Variants in EPB41L4A observed in about 807,000 individuals in gnomAD.
EPB41L4A encodes the protein band 4.1-like protein 4A.
A neutral mutation model predicts 108.6 loss-of-function variants in EPB41L4A; 100 were observed. The observed-to-expected ratio is 0.92, with a 90% CI of 0.78 to 1.09. EPB41L4A has a LOEUF of 1.09. EPB41L4A is among the 50% of genes least tolerant of loss of function. The pLI, the probability that EPB41L4A is intolerant of heterozygous loss-of-function variation, is 0.00. For synonymous variants in EPB41L4A, 319 were observed against 289.0 expected (o/e 1.10, Z -1.05); for missense variants, 1,030 against 842.7 (o/e 1.22, Z -2.75).
chr5:112,156,734 G>GC (rs1759661023), intron 12 of EPB41L4A, among the ~76,000 whole-genome samples: 1 of 152,108 alleles, frequency 6.6e-6, no homozygotes, highest in South Asian at 2.1e-4. Context: ...TCCTTCAGTT[G>GC]ATCACAGATC....
chr5:112,158,401 C>A, downstream of EPB41L4A: 1 of 433,820 alleles, frequency 2.3e-6, no homozygotes, highest in South Asian at 1.7e-5. Flanking sequence ...TAGTTATTAC[C>A]TTTAAATGAG....
chr5:112,408,452 A>T (rs1295892707), intron 1 of EPB41L4A, among the ~76,000 whole-genome samples: 1 of 152,110 alleles, frequency 6.6e-6, no homozygotes, highest in African/African-American at 2.4e-5. Context: ...CAAATTAAAC[A>T]TCTGATAAGG....
At chr5:112,419,864 C>T (rs1029535421), upstream of EPB41L4A, 1 of 456,642 alleles carries the variant, frequency 2.2e-6, no homozygotes, top group Non-Finnish European at 4.4e-6. Flanking sequence ...AGCTCTCCCT[C>T]CGGGAATGCC....
chr5:112,171,717 T>C (rs1170901373), intron 18 of EPB41L4A, among the ~76,000 whole-genome samples: 1 of 152,234 alleles, frequency 6.6e-6, no homozygotes, highest in East Asian at 1.9e-4. Flanking sequence ...CAACTATTTC[T>C]CCCATTGTAG....
At chr5:112,229,655 T>C (rs1282293598) in intron 12 of EPB41L4A, among the ~76,000 whole-genome samples, 1 of 152,060 alleles carries the variant, frequency 6.6e-6, no homozygotes, top group African/African-American at 2.4e-5. Flanking sequence ...TGAGATCATA[T>C]AATATTTGGT....
chr5:112,180,960 A>G (rs540765033), intron 18 of EPB41L4A, among the ~76,000 whole-genome samples: 1 of 152,346 alleles, frequency 6.6e-6, no homozygotes, highest in Admixed American at 6.5e-5. Context: ...TGTGGTTATC[A>G]TCATTAGCCA....
intron 12 of EPB41L4A, among the ~76,000 whole-genome samples, chr5:112,157,357 G>A (rs529120098): frequency 2.0e-5 from 3 of 152,276 alleles, no homozygotes; most frequent in South Asian, 4.1e-4. Flanking sequence ...TGAGAAAATC[G>A]AGATGGGACA....
At chr5:112,259,142 A>C (rs946900084) in intron 9 of EPB41L4A, 87 bp downstream of exon 9, 2 of 1,061,096 alleles carry the variant, frequency 1.9e-6, no homozygotes, top group African/African-American at 3.2e-5. Flanking sequence ...CAGCTGAAGA[A>C]AACATTTCTT....
chr5:112,169,320 G>A (rs1760440219), intron 20 of EPB41L4A, among the ~76,000 whole-genome samples: 1 of 152,020 alleles, frequency 6.6e-6, no homozygotes, highest in African/African-American at 2.4e-5. Context: ...GTATTTGTGT[G>A]TATACATATA....
intron 12 of EPB41L4A, among the ~76,000 whole-genome samples, chr5:112,232,127 A>AG (rs1391589959): frequency 6.7e-6 from 1 of 150,198 alleles, no homozygotes; most frequent in African/African-American, 2.5e-5. Flanking sequence ...AAAAAAAAAA[A>AG]AAGAGAGAGA....
chr5:112,414,343 A>T (rs1762580915), intron 1 of EPB41L4A, among the ~76,000 whole-genome samples: 1 of 152,220 alleles, frequency 6.6e-6, no homozygotes, highest in Non-Finnish European at 1.5e-5. Flanking sequence ...CAACAAAGAC[A>T]TAAGAACAAA....
intron 18 of EPB41L4A, among the ~76,000 whole-genome samples, chr5:112,177,533 T>C (rs1249919667): frequency 2.0e-5 from 3 of 152,192 alleles, no homozygotes; most frequent in Non-Finnish European, 4.4e-5. Flanking sequence ...TGGACATATA[T>C]CAGGGGTCAT....
In EPB41L4A at chr5:112,355,628, C is replaced by T. The variant is rs76601605; in HGVS notation, c.100-48138G>A. On this transcript the variant is annotated intron_variant, in intron 1 of 22. Transcript: ENST00000261486. ...AACAATACTCTTCCGAACCCTCTCC[C>T]GATACAACCACAAACTCTGCAGGAA... Among the ~76,000 whole-genome samples the T allele has an allele frequency of 9.0e-3, 1,378 of 152,288 alleles. 24 individuals carry two copies. Among genetic ancestry groups the T allele is most frequent in the African/African-American group, 0.032 (1,316 of 41,554 alleles).
At chr5:112,410,841 T>C (rs1471009226) in intron 1 of EPB41L4A, among the ~76,000 whole-genome samples, 1 of 152,148 alleles carries the variant, frequency 6.6e-6, no homozygotes, top group Non-Finnish European at 1.5e-5. Flanking sequence ...TCTATTACTA[T>C]CCTACATATT....
intron 1 of EPB41L4A, among the ~76,000 whole-genome samples, chr5:112,348,502 T>C (rs917848780): frequency 4.6e-5 from 7 of 152,284 alleles, no homozygotes; most frequent in African/African-American, 1.7e-4. Flanking sequence ...ATGTTTCTAG[T>C]TGCAGACAAA....
intron 12 of EPB41L4A, among the ~76,000 whole-genome samples, chr5:112,155,623 A>G (rs1396403627): frequency 6.6e-6 from 1 of 152,156 alleles, no homozygotes; most frequent in Non-Finnish European, 1.5e-5. Context: ...TAACAATGAG[A>G]CTGAATAAAA....
downstream of EPB41L4A, among the ~76,000 whole-genome samples, chr5:112,142,267 C>T (rs537616491): frequency 9.2e-5 from 14 of 152,190 alleles, no homozygotes; most frequent in Admixed American, 1.3e-4. Context: ...TTCTGTCTGT[C>T]GACAGCTTTC....
At chr5:112,195,005 C>T (rs796592007) in intron 16 of EPB41L4A, among the ~76,000 whole-genome samples, 5 of 152,240 alleles carry the variant, frequency 3.3e-5, no homozygotes, top group African/African-American at 7.2e-5. Flanking sequence ...CCCTCCCATC[C>T]GCCCCACTGA....
At chr5:112,204,175 T>C (rs1762352948) in intron 15 of EPB41L4A, among the ~76,000 whole-genome samples, 200 bp downstream of exon 15, 1 of 152,066 alleles carries the variant, frequency 6.6e-6, no homozygotes, top group African/African-American at 2.4e-5. Flanking sequence ...CAATATTTTA[T>C]GAAATTATTC....
Sources: allele counts gnomAD v4.1 joint callset (sites outside exome capture counted in the v4.1 genomes callset), GRCh38; gene constraint gnomAD v4.1.1; transcripts MANE v1.5; gene names NCBI Gene and HGNC (gene_info 2026-07-23, HGNC 2026-07-21).